PPA2: variants seen among roughly 807,000 people sequenced by gnomAD.
PPA2 encodes the protein inorganic pyrophosphatase 2, also known as inorganic pyrophosphatase 2, mitochondrial.
PPA2 carries 48 observed loss-of-function variants against 49.5 expected under a neutral mutation model. The ratio of observed to expected loss-of-function variants is 0.97; its 90% CI spans 0.77 to 1.23. The LOEUF (loss-of-function observed/expected upper bound fraction) is 1.23. Among genes scored for constraint, PPA2 ranks in the 50% most tolerant of loss-of-function variants. PPA2 has a pLI of 0.00. For missense variants in PPA2, 429 were observed against 410.1 expected, an observed-to-expected ratio of 1.05 and a Z score of -0.40; for synonymous variants, 131 against 139.9, an observed-to-expected ratio of 0.94 and a Z score of 0.45.
chr4:105,463,143 C>T (rs1321461826), intron 1 of PPA2, among the ~76,000 whole-genome samples: 9 of 152,084 alleles, frequency 5.9e-5, no homozygotes, highest in Admixed American at 2.0e-4. Flanking sequence ...CTGGAACTCC[C>T]GAGAGACTTG....
intron 6 of PPA2, among the ~76,000 whole-genome samples, chr4:105,435,640 G>A (rs540961010): frequency 6.6e-6 from 1 of 152,104 alleles, no homozygotes; most frequent in Non-Finnish European, 1.5e-5. Flanking sequence ...AGGAATGCAA[G>A]GATGGTTGAA....
intron 7 of PPA2, among the ~76,000 whole-genome samples, chr4:105,406,377 G>GC: frequency 6.6e-6 from 1 of 152,018 alleles, no homozygotes; most frequent in South Asian, 2.1e-4. Context: ...AGAAAACAGA[G>GC]CCCCCGCAAA....
chr4:105,422,654 C>T (rs1349799215), intron 7 of PPA2, among the ~76,000 whole-genome samples: 3 of 152,096 alleles, frequency 2.0e-5, no homozygotes, highest in African/African-American at 7.2e-5. Context: ...TAGAATCAGA[C>T]AGAAATGAGT....
chr4:105,400,185 T>C (rs1030592468), intron 7 of PPA2, among the ~76,000 whole-genome samples: 2 of 152,172 alleles, frequency 1.3e-5, no homozygotes, highest in Non-Finnish European at 2.9e-5. Flanking sequence ...TTAGAGCATA[T>C]TAAAATTATA....
intron 1 of PPA2, among the ~76,000 whole-genome samples, chr4:105,468,086 T>C (rs1325973185): frequency 1.6e-4 from 24 of 152,244 alleles, no homozygotes; most frequent in Admixed American, 1.6e-3. Flanking sequence ...CTGGTTTTAT[T>C]TTTGTAAATA....
intron 5 of PPA2, among the ~76,000 whole-genome samples, chr4:105,442,684 C>T (rs563520247): frequency 6.6e-6 from 1 of 152,072 alleles, no homozygotes; most frequent in Non-Finnish European, 1.5e-5. Context: ...ATTAGGAGTG[C>T]GGGAGATGCT....
At chr4:105,457,187 A>T (rs947528823) in intron 1 of PPA2, among the ~76,000 whole-genome samples, 10 of 152,242 alleles carry the variant, frequency 6.6e-5, no homozygotes, top group African/African-American at 2.4e-4. Context: ...CAAAGTTCCT[A>T]TTCAATTAAA....
At chr4:105,459,150 G>A (rs552511146) in intron 1 of PPA2, among the ~76,000 whole-genome samples, 2 of 152,082 alleles carry the variant, frequency 1.3e-5, no homozygotes, top group Non-Finnish European at 2.9e-5. Flanking sequence ...CTAGCAACAA[G>A]GTAATTCCTG....
Position 105,447,737 on chromosome 4 carries a change from T to C in PPA2, c.322-1235A>G, listed in dbSNP as rs1334090912. Among the ~76,000 whole-genome samples, 4 of 46,422 alleles carry C rather than the reference T, an allele frequency of 8.6e-5. No homozygotes were observed. In the East Asian group the frequency reaches 7.5e-3, roughly 87 times the overall value. 30.5% of individuals were successfully genotyped at this position (46,422 alleles called of 152,430 possible). A position where few individuals can be genotyped will look rare whatever the true frequency, so the allele number is the denominator to read the frequency against. On this transcript the variant is annotated intron_variant, in intron 4 of 11. Transcript: ENST00000341695. ...ATTTCAAAGTTAGTTTTCTTTTTTC[T>C]TTTTTTTTTTTTTTGAGACAGAGTT... is the stretch of plus-strand genomic sequence containing the variant.
Position 105,446,447 on chromosome 4 carries a change from A to T in PPA2, c.377T>A (p.Leu126Gln), listed in dbSNP as rs781258853. The T allele has an allele frequency of 6.2e-7, 1 of 1,606,884 alleles. No individual in the cohort carries two copies. Among genetic ancestry groups the T allele is most frequent in the Non-Finnish European group, 8.5e-7 (1 of 1,177,386 alleles). Residue 126 changes from leucine (L) to glutamine (Q), a missense_variant, in exon 5 of 12, where the codon CTA (leucine) becomes CAA (glutamine). Transcript: ENST00000341695. ...PIKQYVKDGK[L>Q]RYVANIFPYK... ...AGGGAAGATATTCGCCACATAGCGT[A>T]GCTTTCCATCCTTTACATATTGTTT...
At chr4:105,446,624 C>T in intron 4 of PPA2, 122 bp from the exon 5 acceptor site, 1 of 1,192,032 alleles carries the variant, frequency 8.4e-7, no homozygotes, top group Non-Finnish European at 1.2e-6. Context: ...ACTTAATGAT[C>T]AAAGATGCTT....
At position 105,369,657 on chromosome 4, in the gene PPA2, C is replaced by T. The variant is rs369376959; in HGVS notation, c.*68G>A. Reference sequence around the variant, plus strand: ...AGGAAGTCAGTAAATGCTCATAGACCCCCTTGTCTCTAGCACTTGGAGTCC... The same window carrying T: ...AGGAAGTCAGTAAATGCTCATAGACTCCCTTGTCTCTAGCACTTGGAGTCC... On this transcript the variant is annotated 3_prime_UTR_variant, in exon 12 of 12. Transcript: ENST00000341695. The T allele has an allele frequency of 3.1e-4, 454 of 1,460,240 alleles. 8 individuals carry two copies. In the South Asian group the frequency reaches 5.1e-3, roughly 16 times the overall value. The allele number at this position is 1,460,240 out of a possible 1,614,324, so 90.5% of individuals were successfully genotyped here.
intron 1 of PPA2, among the ~76,000 whole-genome samples, chr4:105,464,835 C>G (rs1723236732): frequency 6.6e-6 from 1 of 152,158 alleles, no homozygotes; most frequent in Non-Finnish European, 1.5e-5. Context: ...TTGTAAATCA[C>G]CCAGTCTCAG....
chr4:105,455,754 A>G (rs570598176), intron 2 of PPA2, among the ~76,000 whole-genome samples: 22 of 152,306 alleles, frequency 1.4e-4, no homozygotes, highest in African/African-American at 5.3e-4. Flanking sequence ...AGGTAACACC[A>G]GGGTCAAACA....
intron 1 of PPA2, 36 bp downstream of exon 1, chr4:105,473,858 G>C (rs1172099444): frequency 1.3e-6 from 2 of 1,572,976 alleles, no homozygotes; most frequent in Non-Finnish European, 1.7e-6. Flanking sequence ...AGGTTTCTCC[G>C]GTGCGCCGCT....
chr4:105,469,344 T>G (rs1292141533), intron 1 of PPA2, among the ~76,000 whole-genome samples: 2 of 152,248 alleles, frequency 1.3e-5, no homozygotes, highest in Non-Finnish European at 2.9e-5. Context: ...TCTAGCATTT[T>G]CTAAGTTATC....
chr4:105,419,306 G>A (rs962013500), intron 7 of PPA2, among the ~76,000 whole-genome samples: 10 of 151,580 alleles, frequency 6.6e-5, no homozygotes, highest in African/African-American at 2.2e-4. Context: ...ATTCCTCCCC[G>A]CTCCCCCCAC....
chr4:105,409,212 CCA>C (rs760084665), intron 7 of PPA2, among the ~76,000 whole-genome samples: 3 of 152,220 alleles, frequency 2.0e-5, no homozygotes, highest in Non-Finnish European at 4.4e-5. Flanking sequence ...TGCGCTTTTC[CCA>C]CAGTCTTCAC....
chr4:105,473,860 T>C (rs1390935167), intron 1 of PPA2, 34 bp downstream of exon 1: 1 of 1,572,568 alleles, frequency 6.4e-7, no homozygotes, highest in Non-Finnish European at 8.6e-7. Context: ...GTTTCTCCGG[T>C]GCGCCGCTCG....
Sources: allele counts gnomAD v4.1 joint callset (sites outside exome capture counted in the v4.1 genomes callset), GRCh38; gene constraint gnomAD v4.1.1; transcripts MANE v1.5; gene names NCBI Gene and HGNC (gene_info 2026-07-23, HGNC 2026-07-21).